UBFD1: variants seen among roughly 807,000 people sequenced by gnomAD.
UBFD1 encodes the protein ubiquitin family domain containing 1.
A neutral mutation model predicts 35.1 loss-of-function variants in UBFD1; 12 were observed. That is an observed-to-expected ratio of 0.34 (90% CI 0.22 to 0.55). UBFD1 has a LOEUF of 0.55. Among genes scored for constraint, UBFD1 ranks in the 20% least tolerant of loss-of-function variants. UBFD1 has a pLI of 0.89. For synonymous variants in UBFD1, 178 were observed against 167.6 expected (o/e 1.06, Z -0.48); for missense variants, 337 against 410.8 (o/e 0.82, Z 1.55).
chr16:23,567,086 G>C lies in UBFD1; in HGVS notation c.819+17G>C. On this transcript the variant is annotated intron_variant, in intron 6 of 6. Transcript: ENST00000395878. ...CACATGATGGTAAGTAGCGCTGGCT[G>C]AGTTCAGCCCCTCTCACTAGACTCC... 2 of 1,612,848 alleles carry C rather than the reference G, an allele frequency of 1.2e-6. No individual in the cohort carries two copies. The highest frequency in any genetic ancestry group is 1.7e-6 in the Non-Finnish European group (2 of 1,178,958).
At chr16:23,568,157 C>CTTTTT (rs34119136) in intron 6 of UBFD1, among the ~76,000 whole-genome samples, 5 of 114,642 alleles carry the variant, frequency 4.4e-5, no homozygotes, top group African/African-American at 1.0e-4. Flanking sequence ...TCTCTGTAGT[C>CTTTTT]TTTTTTTTTT....
chr16:23,558,148 A>G lies in UBFD1; in HGVS notation c.224A>G (p.Glu75Gly), dbSNP rs769412464. ...PAAQASVSNG[E>G]DAGGGAGREL... ...GCCCAGGCCTCGGTCAGCAACGGCG[A>G]AGACGCGGGCGGCGGCGCGGGCAGG... is the stretch of plus-strand genomic sequence containing the variant. Residue 75 changes from glutamate (E) to glycine (G), a missense_variant, in exon 2 of 7, where the codon GAA (glutamate) becomes GGA (glycine). By Grantham distance (98) the Glu-to-Gly change is moderately conservative. Around this residue, in one of 4 missense-constraint regions of UBFD1, gnomAD observed 198 missense variants for 168.4 expected, o/e 1.18. Transcript: ENST00000395878. 1.2e-6 allele frequency: 2 copies of G among 1,605,074 alleles called. No homozygotes were observed. The highest frequency in any genetic ancestry group is 1.7e-6 in the Non-Finnish European group (2 of 1,176,598).
chr16:23,566,822 G>T, intron 5 of UBFD1, 165 bp from the exon 6 acceptor site: 1 of 631,724 alleles, frequency 1.6e-6, no homozygotes, highest in Non-Finnish European at 2.8e-6. Flanking sequence ...AGCCCTATGT[G>T]CACTGGTCAG....
chr16:23,569,944 G>A (rs1966061668), intron 6 of UBFD1, among the ~76,000 whole-genome samples: 1 of 152,234 alleles, frequency 6.6e-6, no homozygotes, highest in Non-Finnish European at 1.5e-5. Context: ...TTTAAAAAGA[G>A]CTCCAGTATT....
At chr16:23,560,069 A>C (rs1417901733) in intron 3 of UBFD1, among the ~76,000 whole-genome samples, 1 of 152,154 alleles carries the variant, frequency 6.6e-6, no homozygotes, top group African/African-American at 2.4e-5. Flanking sequence ...CAAGTCAACA[A>C]GCCTGGCTAG....
At chr16:23,564,453 G>C (rs2142216680) in intron 5 of UBFD1, 1 of 152,288 alleles carries the variant, frequency 6.6e-6, no homozygotes, top group East Asian at 1.9e-4. Flanking sequence ...GTTTTTGCAA[G>C]GGCCTTTGAA....
intron 6 of UBFD1, among the ~76,000 whole-genome samples, chr16:23,567,560 C>T (rs1203375519): frequency 2.0e-5 from 3 of 152,194 alleles, no homozygotes; most frequent in South Asian, 4.1e-4. Flanking sequence ...CTCTGTGGAG[C>T]GTCTATTCTG....
chr16:23,560,866 C>T (rs1163817524), intron 3 of UBFD1, among the ~76,000 whole-genome samples: 1 of 152,162 alleles, frequency 6.6e-6, no homozygotes, highest in Non-Finnish European at 1.5e-5. Context: ...TGTCTTGAAA[C>T]CGATTGAGTT....
At position 23,571,184 on chromosome 16, in the gene UBFD1, A is replaced by G. The variant is rs1300080451; in HGVS notation, c.*594A>G. 2 of 152,590 alleles carry G rather than the reference A, an allele frequency of 1.3e-5. No individual in the cohort carries two copies. Among genetic ancestry groups the G allele is most frequent in the African/African-American group, 4.8e-5 (2 of 41,412 alleles). The allele number at this position is 152,590 out of a possible 1,614,324, so 9.5% of individuals were successfully genotyped here. ...GAGTTTTTGTTTTAAGAACCCAAAG[A>G]TGTCAGTTCTTCTTTTGGTACCTCA... On this transcript the variant is annotated 3_prime_UTR_variant, in exon 7 of 7. Transcript: ENST00000395878.
At chr16:23,557,919 G>A (rs1965841166) in intron 1 of UBFD1, 31 bp from the exon 2 acceptor site, 5 of 1,295,592 alleles carry the variant, frequency 3.9e-6, no homozygotes, top group South Asian at 3.3e-5. Context: ...CCCAGCCCGC[G>A]GCGAGCGCCC....
In UBFD1 at chr16:23,561,901, A is replaced by G. The variant is rs565903881; in HGVS notation, c.565-305A>G. On this transcript the variant is annotated intron_variant, in intron 3 of 6. Coordinates refer to ENST00000395878, the MANE Select transcript of UBFD1 (RefSeq NM_019116.3). ...GTAGAACTTTGATATCTAATATGGT[A>G]GCTATCCACATGTGGCTGGTTAAAA... 8.6e-5 allele frequency: 23 copies of G among 267,180 alleles called. 1 individual carries two copies. The South Asian group carries it at 3.5e-3, about 40-fold the overall frequency. The allele number at this position is 267,180 out of a possible 1,614,324, so 16.6% of individuals were successfully genotyped here. A position where few individuals can be genotyped will look rare whatever the true frequency, so the allele number is the denominator to read the frequency against.
intron 5 of UBFD1, 103 bp from the exon 6 acceptor site, chr16:23,566,884 A>T: frequency 9.2e-7 from 1 of 1,091,686 alleles, no homozygotes; most frequent in Non-Finnish European, 1.4e-6. Context: ...ACTTGAGTTT[A>T]CTGTAGATCC....
chr16:23,559,853 T>C, intron 3 of UBFD1, 177 bp downstream of exon 3: 2 of 1,536,154 alleles, frequency 1.3e-6, no homozygotes, highest in Non-Finnish European at 1.7e-6. Flanking sequence ...ATTTGCAACT[T>C]TGTCTCATCT....
chr16:23,570,340 A>G (rs1353991369), intron 6 of UBFD1, 140 bp from the exon 7 acceptor site: 1 of 658,840 alleles, frequency 1.5e-6, no homozygotes, highest in Non-Finnish European at 2.7e-6. Flanking sequence ...GGTTGGGAGA[A>G]TGCTCCCCAC....
At position 23,558,204 on chromosome 16, in the gene UBFD1, AAG is replaced by A. The variant is rs1328638080; in HGVS notation, c.282_283del (p.Lys94AsnfsTer4). On this transcript the variant is annotated frameshift_variant, in exon 2 of 7. Transcript: ENST00000395878. LOFTEE classifies it high-confidence loss of function. ...ELVDLKIIWN[K>X]TKHDVKFPLD... ...GGTGGACTTGAAGATCATCTGGAATAAGACCAAGCATGACGTGAAGTTCCCCC... is the reference window on the plus strand; with the variant it reads ...GGTGGACTTGAAGATCATCTGGAATAACCAAGCATGACGTGAAGTTCCCCC... 1 of 1,610,582 alleles carries A rather than the reference AAG, an allele frequency of 6.2e-7. No individual in the cohort carries two copies. The highest frequency in any genetic ancestry group is 1.3e-5 in the African/African-American group (1 of 74,706).
intron 6 of UBFD1, chr16:23,568,896 C>G (rs565589079): frequency 6.6e-6 from 1 of 152,142 alleles, no homozygotes; most frequent in African/African-American, 2.4e-5. Context: ...CCCATCACTC[C>G]TTTTTGAATA....
rs1965832340 is a variant in UBFD1, at chr16:23,557,741, T to A, written c.-2T>A. The A allele has an allele frequency of 3.8e-6, 5 of 1,321,652 alleles. No homozygotes were observed. The highest frequency in any genetic ancestry group is 3.5e-5 in the Admixed American group (1 of 28,454). 81.9% of individuals were successfully genotyped at this position (1,321,652 alleles called of 1,614,324 possible). On this transcript the variant is annotated 5_prime_UTR_variant, in exon 1 of 7. Transcript: ENST00000395878. ...GAGCGGTGGGTGTTGTACACAATCA[T>A]CATGGCGGCGGCCGGGGCCCCGGAT...
intron 4 of UBFD1, 56 bp from the exon 5 acceptor site, chr16:23,562,569 C>T (rs553803997): frequency 1.9e-6 from 3 of 1,551,492 alleles, no homozygotes; most frequent in South Asian, 2.3e-5. Flanking sequence ...CGCTTGGCCC[C>T]CTTCTCTTTT....
At chr16:23,569,582 A>G (rs527667166) in intron 6 of UBFD1, 1 of 152,304 alleles carries the variant, frequency 6.6e-6, no homozygotes, top group South Asian at 2.1e-4. Flanking sequence ...AATACAGAAA[A>G]GAAAGAGAAT....
Sources: gnomAD v4.1 joint callset for allele counts (sites outside exome capture counted in the v4.1 genomes callset) on GRCh38, gnomAD v4.1.1 for gene constraint, gnomAD v4.1.1 regional missense constraint, MANE v1.5 for transcripts, NCBI Gene and HGNC (gene_info 2026-07-23, HGNC 2026-07-21) for gene names.